The following EML5 variants were observed in gnomAD, a reference collection of about 807,000 sequenced individuals.
EML5 encodes EMAP like 5, also known as echinoderm microtubule-associated protein-like 5.
Under a neutral mutation model 250.0 loss-of-function variants are expected in EML5, and 120 were observed. The observed-to-expected ratio is 0.48, with a 90% confidence interval of 0.41 to 0.56. The LOEUF (loss-of-function observed/expected upper bound fraction) is 0.56, where lower values mean the gene tolerates loss of function less well. EML5 is among the 20% of genes least tolerant of loss of function. The pLI is 0.00. For missense variants in EML5, 2,006 were observed against 2,437.6 expected (o/e 0.82, Z 3.73); for synonymous variants, 771 against 806.5 (o/e 0.96, Z 0.75).
chr14:88,753,443 T>C (rs968522493), intron 2 of EML5, among the ~76,000 whole-genome samples: 2 of 152,248 alleles, frequency 1.3e-5, no homozygotes, highest in Non-Finnish European at 2.9e-5. Context: ...AATTTGTTTC[T>C]GTAAAATTGA....
intron 1 of EML5, among the ~76,000 whole-genome samples, chr14:88,770,868 C>A (rs529846311): frequency 2.0e-5 from 3 of 152,136 alleles, no homozygotes; most frequent in African/African-American, 4.8e-5. Flanking sequence ...TATTGTGACA[C>A]TATCATCTGA....
At chr14:88,649,270 T>C (rs2091505659) in intron 28 of EML5, among the ~76,000 whole-genome samples, 1 of 152,146 alleles carries the variant, frequency 6.6e-6, no homozygotes, top group Admixed American at 6.6e-5. Context: ...TCCCAGGCTC[T>C]AGCAATCCTC....
chr14:88,688,432 C>T lies in EML5; in HGVS notation c.2581G>A (p.Gly861Arg). 1 of 1,613,972 alleles carries T rather than the reference C, an allele frequency of 6.2e-7. No individual in the cohort carries two copies. Among genetic ancestry groups the T allele is most frequent in the East Asian group, 2.2e-5 (1 of 44,868 alleles). Residue 861 changes from glycine to arginine, a missense_variant, in exon 18 of 44, where the codon GGG becomes AGG. By Grantham distance (125) the Gly-to-Arg change is moderately radical (BLOSUM62 -2). This residue lies in a region of EML5 where 1,375 missense variants were observed against 1,590.3 expected (regional missense o/e 0.86). Transcript: ENST00000554922. ...GCACACATCATTGTGTCATTTTTCC[C>T]CAGTGTGCCTATGTAGCCTTTTCTT... ...IGRKGYIGTL[G>R]KNDTMMCAVY...
chr14:88,762,926 A>C (rs1256816129), intron 1 of EML5, among the ~76,000 whole-genome samples: 2 of 152,174 alleles, frequency 1.3e-5, no homozygotes, highest in Non-Finnish European at 2.9e-5. Flanking sequence ...GGTAAATAAC[A>C]AAATTAAGGC....
chr14:88,685,458 T>A (rs921217477), intron 19 of EML5, among the ~76,000 whole-genome samples: 4 of 152,204 alleles, frequency 2.6e-5, no homozygotes, highest in African/African-American at 9.6e-5. Flanking sequence ...TACAATATTC[T>A]TATTAGTAAT....
In EML5 at chr14:88,754,530, C is replaced by A; in HGVS notation, c.339G>T (p.Ala113=). 2.5e-6 allele frequency: 4 copies of A among 1,604,316 alleles called. No homozygotes were observed. The highest frequency in any genetic ancestry group is 3.4e-6 in the Non-Finnish European group (4 of 1,176,730). Residue 113 remains alanine, a synonymous_variant, in exon 2 of 44, where the codon GCG becomes GCT. Coordinates refer to ENST00000554922, the MANE Select transcript of EML5 (RefSeq NM_183387.3). Reference sequence around the variant, plus strand: ...CACATACCTGTCCATCTAAGTCAAACGCCAAGCAAGCTATACCATGTGTAT... The same window carrying A: ...CACATACCTGTCCATCTAAGTCAAAAGCCAAGCAAGCTATACCATGTGTAT... ...DVHTHGIACL[A]FDLDGQRLVS... is the part of the protein sequence containing the mutation.
intron 8 of EML5, among the ~76,000 whole-genome samples, chr14:88,723,911 T>G (rs2093627196): frequency 6.6e-6 from 1 of 152,172 alleles, no homozygotes; most frequent in South Asian, 2.1e-4. Context: ...AATCATGATG[T>G]GAGATTCTAA....
At chr14:88,703,850 G>A (rs1473728408) in intron 13 of EML5, among the ~76,000 whole-genome samples, 1 of 152,050 alleles carries the variant, frequency 6.6e-6, no homozygotes, top group African/African-American at 2.4e-5. Context: ...CATATTGAGG[G>A]GAGATGATTA....
At chr14:88,757,478 A>G (rs1032071162) in intron 1 of EML5, among the ~76,000 whole-genome samples, 1 of 152,216 alleles carries the variant, frequency 6.6e-6, no homozygotes, top group Admixed American at 6.5e-5. Flanking sequence ...GGACTTAATC[A>G]AAATTAAAAA....
intron 2 of EML5, among the ~76,000 whole-genome samples, chr14:88,747,312 T>C: frequency 6.6e-6 from 1 of 152,028 alleles, no homozygotes; most frequent in South Asian, 2.1e-4. Context: ...CTCGGGAGGC[T>C]GAGGCAGGGG....
intron 1 of EML5, among the ~76,000 whole-genome samples, chr14:88,781,169 T>TA (rs2094494255): frequency 6.6e-6 from 1 of 152,214 alleles, no homozygotes; most frequent in African/African-American, 2.4e-5. Flanking sequence ...CTGATACAAA[T>TA]ACAATGCTCA....
chr14:88,659,987 A>G (rs2092019876), intron 25 of EML5, among the ~76,000 whole-genome samples: 1 of 152,162 alleles, frequency 6.6e-6, no homozygotes, highest in Admixed American at 6.6e-5. Flanking sequence ...ATTAAGAAAT[A>G]AATGCTGCCA....
chr14:88,785,987 C>T (rs1267610611), intron 1 of EML5, among the ~76,000 whole-genome samples: 1 of 152,212 alleles, frequency 6.6e-6, no homozygotes, highest in Non-Finnish European at 1.5e-5. Flanking sequence ...CACCATAGCT[C>T]ATCAGACCTC....
intron 21 of EML5, among the ~76,000 whole-genome samples, chr14:88,670,002 G>A (rs968614268): frequency 1.3e-5 from 2 of 152,108 alleles, no homozygotes; most frequent in Admixed American, 1.3e-4. Flanking sequence ...AGCTGGAAGA[G>A]GAAGAGGGGT....
chr14:88,618,479 G>A (rs769393667), intron 40 of EML5, 148 bp from the exon 41 acceptor site: 339 of 1,080,570 alleles, frequency 3.1e-4, no homozygotes, highest in Non-Finnish European at 4.4e-4. Flanking sequence ...AACTTAATAG[G>A]AGAAAAGCTC....
chr14:88,703,332 T>C (rs2093253853), intron 13 of EML5, among the ~76,000 whole-genome samples: 1 of 152,194 alleles, frequency 6.6e-6, no homozygotes. Flanking sequence ...GGGGAAATGA[T>C]GGCTGGGAGG....
intron 8 of EML5, among the ~76,000 whole-genome samples, chr14:88,719,457 C>G (rs2093556008): frequency 6.6e-6 from 1 of 152,150 alleles, no homozygotes; most frequent in Admixed American, 6.5e-5. Context: ...TGTGGGAAAC[C>G]TTACTCCATC....
At chr14:88,633,148 A>G (rs1251191455) in intron 33 of EML5, among the ~76,000 whole-genome samples, 1 of 152,196 alleles carries the variant, frequency 6.6e-6, no homozygotes, top group African/African-American at 2.4e-5. Context: ...TGCCTCAGCT[A>G]TCTACTCCTG....
In EML5 at chr14:88,615,218, C is replaced by G. The variant is rs1209461065; in HGVS notation, c.*600G>C. On this transcript the variant is annotated 3_prime_UTR_variant, in exon 44 of 44. Coordinates refer to ENST00000554922, the MANE Select transcript of EML5 (RefSeq NM_183387.3). ...GGATCTGTTCCTGAATTCAAAACTA[C>G]TAGGAGAAAAGTGTCCTTTATAAAA... 1 of 152,108 alleles carries G rather than the reference C, an allele frequency of 6.6e-6. No homozygotes were observed. Among genetic ancestry groups the G allele is most frequent in the Non-Finnish European group, 1.5e-5 (1 of 68,022 alleles). The allele number at this position is 152,108 out of a possible 1,614,324, so 9.4% of individuals were successfully genotyped here. A position where few individuals can be genotyped will look rare whatever the true frequency, so the allele number is the denominator to read the frequency against.
Sources: gnomAD v4.1 joint callset for allele counts (sites outside exome capture counted in the v4.1 genomes callset) on GRCh38, gnomAD v4.1.1 for gene constraint, gnomAD v4.1.1 regional missense constraint, MANE v1.5 for transcripts, NCBI Gene and HGNC (gene_info 2026-07-23, HGNC 2026-07-21) for gene names.